The following APOLD1 variants were observed in gnomAD, a reference collection of about 807,000 sequenced individuals.
APOLD1 encodes apolipoprotein L domain-containing protein 1.
Under a neutral mutation model 15.3 loss-of-function variants are expected in APOLD1, and 22 were observed. That is an observed-to-expected ratio of 1.44 (90% CI 1.03 to 2.05). APOLD1 has a LOEUF of 2.05. APOLD1 is among the 30% of genes most tolerant of loss of function. The probability of loss-of-function intolerance (pLI) is 0.00; values close to 1 mark genes in which losing one functional copy is unlikely to be tolerated. For missense variants in APOLD1, 394 were observed against 353.5 expected, an observed-to-expected ratio of 1.11 and a Z score of -0.92; for synonymous variants, 190 against 167.4, an observed-to-expected ratio of 1.13 and a Z score of -1.04.
At chr12:12,786,720 C>G in intron 1 of APOLD1, 189 bp from the exon 2 acceptor site, 1 of 985,204 alleles carries the variant, frequency 1.0e-6, no homozygotes, top group Non-Finnish European at 1.2e-6. Context: ...TTGTGTGGCT[C>G]CCCCCGGATT....
intron 1 of APOLD1, among the ~76,000 whole-genome samples, chr12:12,747,205 G>A (rs538322846): frequency 1.3e-5 from 2 of 152,002 alleles, no homozygotes; most frequent in South Asian, 2.1e-4. Context: ...TCGAATTCTT[G>A]GACTCAAGCA....
At chr12:12,738,737 T>G (rs1222628184) in intron 1 of APOLD1, among the ~76,000 whole-genome samples, 1 of 152,154 alleles carries the variant, frequency 6.6e-6, no homozygotes, top group East Asian at 1.9e-4. Flanking sequence ...CTGACAGCAT[T>G]TGAAAAGAAG....
intron 1 of APOLD1, among the ~76,000 whole-genome samples, chr12:12,768,074 C>T (rs1056599892): frequency 2.6e-5 from 4 of 152,030 alleles, no homozygotes; most frequent in East Asian, 1.9e-4. Context: ...TGTAAGCCAC[C>T]GTGCCCGGCC....
intron 1 of APOLD1, among the ~76,000 whole-genome samples, chr12:12,728,665 CAAAA>C (rs58877184): frequency 5.4e-4 from 34 of 62,838 alleles, no homozygotes; most frequent in African/African-American, 1.2e-3. Context: ...GACCCTGTCT[CAAAA>C]AAAAAAAAAA....
intron 1 of APOLD1, among the ~76,000 whole-genome samples, chr12:12,774,210 T>C (rs61913604): frequency 0.16 from 23,831 of 152,004 alleles, 2,162 homozygotes; most frequent in South Asian, 0.29. Flanking sequence ...AGGACTGTTA[T>C]CCAAAATATA....
At position 12,744,145 on chromosome 12, in the gene APOLD1, G is replaced by A. The variant is rs142499986; in HGVS notation, c.96+18049G>A. The stretch of plus-strand genomic sequence containing the variant: ...AGCCTGGGGAACATAGCAAGACTGC[G>A]TTTCTACTAATAAAAAATTAGCAAG... On this transcript the variant is annotated intron_variant, in intron 1 of 1. Transcript: ENST00000326765. 2.4e-3 allele frequency among the ~76,000 whole-genome samples: 367 copies of A among 151,808 alleles called. 1 individual carries two copies. Among genetic ancestry groups the A allele is most frequent in the African/African-American group, 8.5e-3 (351 of 41,392 alleles).
At chr12:12,727,064 C>G (rs1666743375) in intron 1 of APOLD1, among the ~76,000 whole-genome samples, 1 of 152,196 alleles carries the variant, frequency 6.6e-6, no homozygotes. Flanking sequence ...ATTTCAAAGT[C>G]TATTCCAGAC....
At chr12:12,783,411 A>G (rs1947099770), upstream of APOLD1, among the ~76,000 whole-genome samples, 1 of 151,842 alleles carries the variant, frequency 6.6e-6, no homozygotes, top group Non-Finnish European at 1.5e-5. Context: ...CCCAGGTTCA[A>G]GTGATCCTCC....
chr12:12,748,915 A>G (rs1368979866), intron 1 of APOLD1, among the ~76,000 whole-genome samples: 1 of 152,224 alleles, frequency 6.6e-6, no homozygotes, highest in East Asian at 1.9e-4. Flanking sequence ...TCTAAACTTT[A>G]CAAGAAGGCA....
intron 1 of APOLD1, among the ~76,000 whole-genome samples, chr12:12,774,772 T>C (rs1565436171): frequency 6.6e-6 from 1 of 152,086 alleles, no homozygotes; most frequent in Non-Finnish European, 1.5e-5. Flanking sequence ...TTGATTAGAA[T>C]GGCCAAAATC....
chr12:12,782,780 A>C (rs1226068088), upstream of APOLD1, among the ~76,000 whole-genome samples: 1 of 152,224 alleles, frequency 6.6e-6, no homozygotes, highest in African/African-American at 2.4e-5. Flanking sequence ...GTGCCCAACA[A>C]ACAATTTAAA....
intron 1 of APOLD1, among the ~76,000 whole-genome samples, chr12:12,773,203 A>G (rs1192229502): frequency 6.6e-6 from 1 of 152,252 alleles, no homozygotes. Flanking sequence ...AGAAAGATCT[A>G]AAAATCAATA....
In APOLD1 at chr12:12,778,818, C is replaced by T. The variant is rs7298290; in HGVS notation, c.97-8091C>T. Among the ~76,000 whole-genome samples the T allele has an allele frequency of 6.7e-3, 1,025 of 152,324 alleles. 14 individuals are homozygous for T. The highest frequency in any genetic ancestry group is 0.024 in the African/African-American group (982 of 41,576). ...AATCTGAGATAATCTCTGTCAACTA[C>T]TTCAATAACCTTCTAACTGTCTCCT... On this transcript the variant is annotated intron_variant, in intron 1 of 1. Transcript: ENST00000326765.
chr12:12,733,804 A>G (rs1946661969), intron 1 of APOLD1, among the ~76,000 whole-genome samples: 1 of 152,176 alleles, frequency 6.6e-6, no homozygotes, highest in Non-Finnish European at 1.5e-5. Flanking sequence ...GGGTTTCTCC[A>G]TGTTGGCCAG....
chr12:12,736,215 G>A (rs781644275), intron 1 of APOLD1, among the ~76,000 whole-genome samples: 4 of 152,098 alleles, frequency 2.6e-5, no homozygotes, highest in Non-Finnish European at 5.9e-5. Flanking sequence ...GGTGAGCGTG[G>A]TGGTGTGTGC....
intron 1 of APOLD1, among the ~76,000 whole-genome samples, chr12:12,785,958 C>T (rs776275530): frequency 5.3e-5 from 8 of 152,156 alleles, no homozygotes; most frequent in Non-Finnish European, 1.2e-4. Context: ...TTCTATGGCT[C>T]ATTTGCCACT....
chr12:12,737,699 C>G (rs1159012766), intron 1 of APOLD1, among the ~76,000 whole-genome samples: 3 of 152,188 alleles, frequency 2.0e-5, no homozygotes, highest in Non-Finnish European at 2.9e-5. Context: ...GGGCGCTTAT[C>G]TTTGGCATAT....
chr12:12,771,572 A>G (rs1008840502), intron 1 of APOLD1: 1 of 522,712 alleles, frequency 1.9e-6, no homozygotes, highest in Non-Finnish European at 3.8e-6. Flanking sequence ...GTTTTTGGCA[A>G]CTTATGATGG....
chr12:12,743,768 C>A (rs1946744301), intron 1 of APOLD1, among the ~76,000 whole-genome samples: 1 of 152,186 alleles, frequency 6.6e-6, no homozygotes, highest in Non-Finnish European at 1.5e-5. Flanking sequence ...CACAAGGGTC[C>A]TGAATCTTGG....
Sources: allele counts gnomAD v4.1 joint callset (sites outside exome capture counted in the v4.1 genomes callset), GRCh38; gene constraint gnomAD v4.1.1; transcripts MANE v1.5; gene names NCBI Gene and HGNC (gene_info 2026-07-23, HGNC 2026-07-21).